ZC3H6: variants seen among roughly 807,000 people sequenced by gnomAD.
ZC3H6 encodes the protein zinc finger CCCH domain-containing protein 6.
A neutral mutation model predicts 107.7 loss-of-function variants in ZC3H6; 40 were observed. That is an observed-to-expected ratio of 0.37 (90% confidence interval 0.29 to 0.48). ZC3H6 has a LOEUF of 0.48. Among genes scored for constraint, ZC3H6 ranks in the 20% least tolerant of loss-of-function variants. The pLI is 0.98. For missense variants in ZC3H6, 1,267 were observed against 1,410.4 expected, an observed-to-expected ratio of 0.90 and a Z score of 1.63; for synonymous variants, 493 against 487.9, an observed-to-expected ratio of 1.01 and a Z score of -0.14.
Position 112,275,839 on chromosome 2 carries a change from G to A in ZC3H6, c.-156G>A. The stretch of plus-strand genomic sequence containing the variant: ...AATAGACTGGAAAGTCTGTGTCTGT[G>A]TCGCTCACTAGTAACCGTGAGTTTT... On this transcript the variant is annotated 5_prime_UTR_variant, in exon 1 of 12. Coordinates refer to ENST00000409871, the MANE Select transcript of ZC3H6 (RefSeq NM_198581.3). The A allele has an allele frequency of 1.8e-6, 1 of 568,124 alleles. No homozygotes were observed. The highest frequency in any genetic ancestry group is 3.1e-6 in the Non-Finnish European group (1 of 320,604). 35.2% of individuals were successfully genotyped at this position (568,124 alleles called of 1,614,324 possible).
rs1330899099 is a variant in ZC3H6, at chr2:112,302,395, A to G, written c.214-834A>G. ...AGCAATTTGTCTTTCCTAAAATAACATTTCAGGATGGATTAGAGAAAAACA... is the reference window on the plus strand; with the variant it reads ...AGCAATTTGTCTTTCCTAAAATAACGTTTCAGGATGGATTAGAGAAAAACA... On this transcript the variant is annotated intron_variant, in intron 2 of 11. Transcript: ENST00000409871. Among the ~76,000 whole-genome samples the G allele has an allele frequency of 2.0e-5, 3 of 152,166 alleles. No individual in the cohort carries two copies. In the East Asian group the frequency reaches 5.8e-4, roughly 29 times the overall value.
chr2:112,324,174 G>C lies in ZC3H6; in HGVS notation c.1363G>C (p.Ala455Pro), dbSNP rs1243955613. ...CAGGCCACCAGCATTTTATACCAGT[G>C]CCTCACCACCAGGACCACAATTTCA... ...GRKPPAFYTS[A>P]SPPGPQFQGS... Residue 455 changes from alanine to proline, a missense_variant, in exon 10 of 12, where the codon GCC becomes CCC. Physicochemically the swap from Ala to Pro is conservative, Grantham distance 27 (BLOSUM62 -1). Around this residue, in one of 3 missense-constraint regions of ZC3H6, gnomAD observed 925 missense variants for 1,025.7 expected, o/e 0.90. Transcript: ENST00000409871. The C allele has an allele frequency of 6.3e-7, 1 of 1,584,770 alleles. No homozygotes were observed. Among genetic ancestry groups the C allele is most frequent in the South Asian group, 1.1e-5 (1 of 89,012 alleles).
At chr2:112,326,156 A>C (rs1458486240) in intron 11 of ZC3H6, among the ~76,000 whole-genome samples, 1 of 152,208 alleles carries the variant, frequency 6.6e-6, no homozygotes, top group Non-Finnish European at 1.5e-5. Flanking sequence ...CATAATAATC[A>C]CATCAGGGTA....
At chr2:112,309,514 C>G (rs1163587646) in intron 3 of ZC3H6, among the ~76,000 whole-genome samples, 4 of 152,156 alleles carry the variant, frequency 2.6e-5, no homozygotes, top group African/African-American at 9.6e-5. Flanking sequence ...TTTTACCACA[C>G]TCCTCCACCC....
intron 5 of ZC3H6, among the ~76,000 whole-genome samples, chr2:112,313,450 A>G (rs1012093783): frequency 3.3e-5 from 5 of 152,130 alleles, no homozygotes; most frequent in African/African-American, 1.2e-4. Context: ...CTTCCAGGAA[A>G]GTGTGACTTT....
intron 1 of ZC3H6, 125 bp downstream of exon 1, chr2:112,276,151 T>G: frequency 1.3e-6 from 1 of 775,684 alleles, no homozygotes; most frequent in Non-Finnish European, 2.0e-6. Flanking sequence ...GTCAGTTCCA[T>G]GACGCGCACT....
chr2:112,305,004 A>G (rs979462395), intron 3 of ZC3H6, among the ~76,000 whole-genome samples: 3 of 152,192 alleles, frequency 2.0e-5, no homozygotes, highest in African/African-American at 7.2e-5. Context: ...AATTTTATCT[A>G]GTTGGGTAAA....
intron 1 of ZC3H6, among the ~76,000 whole-genome samples, chr2:112,277,248 G>A (rs746492750): frequency 7.2e-5 from 11 of 152,100 alleles, no homozygotes; most frequent in Non-Finnish European, 1.3e-4. Flanking sequence ...AAAATGATAA[G>A]CTTGCACTTG....
At position 112,317,198 on chromosome 2, in the gene ZC3H6, C is replaced by CTTTTTTT. The variant is rs564035069; in HGVS notation, c.865-15_865-9dup. On this transcript the variant is annotated intron_variant, in intron 6 of 11. Transcript: ENST00000409871. ...TGTTTCTTACCTTTTTTTCTTTTTT[C>CTTTTTTT]TTTTTTTTTTTTTTGTGAATAGGGA... 3.9e-4 allele frequency: 399 copies of CTTTTTTT among 1,027,650 alleles called. 1 individual carries two copies. The highest frequency in any genetic ancestry group is 1.9e-3 in the South Asian group (86 of 44,270). 63.7% of individuals were successfully genotyped at this position (1,027,650 alleles called of 1,614,324 possible). A position where few individuals can be genotyped will look rare whatever the true frequency, so the allele number is the denominator to read the frequency against.
intron 1 of ZC3H6, among the ~76,000 whole-genome samples, chr2:112,280,106 C>A (rs1030898623): frequency 5.4e-4 from 60 of 111,930 alleles, no homozygotes; most frequent in Middle Eastern, 3.8e-3. Context: ...TGCACTAGAT[C>A]ATTTTCAATT....
At chr2:112,322,337 A>C (rs1676818523) in intron 8 of ZC3H6, among the ~76,000 whole-genome samples, 2 of 149,440 alleles carry the variant, frequency 1.3e-5, no homozygotes, top group East Asian at 2.0e-4. Context: ...CCTGCCCTGC[A>C]CCGCCCCCCA....
At chr2:112,284,868 C>T (rs1686579177) in intron 1 of ZC3H6, among the ~76,000 whole-genome samples, 2 of 151,132 alleles carry the variant, frequency 1.3e-5, no homozygotes, top group Admixed American at 1.3e-4. Context: ...GAAGAATTCC[C>T]AAATAAGATT....
chr2:112,292,884 A>G (rs1165565445), intron 1 of ZC3H6, among the ~76,000 whole-genome samples: 2 of 152,190 alleles, frequency 1.3e-5, no homozygotes, highest in Non-Finnish European at 2.9e-5. Context: ...CCAGGTAAGC[A>G]TGATCTCCTG....
chr2:112,292,449 C>T (rs1676141197), intron 1 of ZC3H6, among the ~76,000 whole-genome samples: 1 of 152,158 alleles, frequency 6.6e-6, no homozygotes, highest in African/African-American at 2.4e-5. Flanking sequence ...GGAGACCAGG[C>T]ATTAGAAGAC....
intron 1 of ZC3H6, among the ~76,000 whole-genome samples, chr2:112,289,940 C>T (rs12464478): frequency 0.58 from 88,049 of 151,142 alleles, 21,965 homozygotes; most frequent in East Asian, 0.78. Context: ...GGGGTTTTAC[C>T]GTGTTGCCCA....
In ZC3H6 at chr2:112,332,673, C is replaced by CT. The variant is rs1042710391; in HGVS notation, c.*188dup. 1.9e-5 allele frequency: 9 copies of CT among 471,620 alleles called. No individual in the cohort carries two copies. The Admixed American group carries it at 3.1e-4, about 16-fold the overall frequency. 29.2% of individuals were successfully genotyped at this position (471,620 alleles called of 1,614,324 possible). A position where few individuals can be genotyped will look rare whatever the true frequency, so the allele number is the denominator to read the frequency against. On this transcript the variant is annotated 3_prime_UTR_variant, in exon 12 of 12. Transcript: ENST00000409871. The stretch of plus-strand genomic sequence containing the variant: ...GGTATTTTATATAATATTTTTATAA[C>CT]TTTAAGAGACTGTAGTAATTGACCT...
chr2:112,275,948 C>G lies in ZC3H6; in HGVS notation c.-47C>G, dbSNP rs926870962. The G allele has an allele frequency of 2.7e-6, 4 of 1,500,572 alleles. No individual in the cohort carries two copies. The highest frequency in any genetic ancestry group is 1.3e-5 in the South Asian group (1 of 78,154). 93.0% of individuals were successfully genotyped at this position (1,500,572 alleles called of 1,614,324 possible). The stretch of plus-strand genomic sequence containing the variant: ...GGTCTTCCCCGCGCCCCGCCGCCGC[C>G]GGCCTCGCAGACCTGCCCTCCAGCC... On this transcript the variant is annotated 5_prime_UTR_variant, in exon 1 of 12. Transcript: ENST00000409871.
intron 1 of ZC3H6, among the ~76,000 whole-genome samples, chr2:112,293,138 A>G (rs1464610031): frequency 3.3e-5 from 5 of 152,212 alleles, no homozygotes; most frequent in Admixed American, 2.6e-4. Context: ...TTGGGTAGAG[A>G]TACCTTGCAT....
chr2:112,325,339 C>T (rs752256883), intron 11 of ZC3H6, 142 bp downstream of exon 11: 2 of 738,784 alleles, frequency 2.7e-6, no homozygotes, highest in Non-Finnish European at 4.5e-6. Context: ...ACTAAAAATG[C>T]AAAAATTAGG....
Sources: gnomAD v4.1 joint callset for allele counts (sites outside exome capture counted in the v4.1 genomes callset) on GRCh38, gnomAD v4.1.1 for gene constraint, gnomAD v4.1.1 regional missense constraint, MANE v1.5 for transcripts, NCBI Gene and HGNC (gene_info 2026-07-23, HGNC 2026-07-21) for gene names.